CTDSP1: variants seen among roughly 807,000 people sequenced by gnomAD.
CTDSP1 encodes the protein carboxy-terminal domain RNA polymerase II polypeptide A small phosphatase 1.
Under a neutral mutation model 32.5 loss-of-function variants are expected in CTDSP1, and 15 were observed. The observed-to-expected ratio is 0.46, with a 90% CI of 0.31 to 0.71. The LOEUF is 0.71. Among genes scored for constraint, CTDSP1 ranks in the 30% least tolerant of loss-of-function variants. CTDSP1 has a pLI of 0.05. For missense variants in CTDSP1, 294 were observed against 351.1 expected (o/e 0.84, Z 1.30); for synonymous variants, 185 against 145.4 (o/e 1.27, Z -1.96).
In CTDSP1 at chr2:218,403,023, C is replaced by T. The variant is rs763774922; in HGVS notation, c.379-12C>T. The stretch of plus-strand genomic sequence containing the variant: ...CACTGGCCCGCAGCCCCCTCACTGG[C>T]CCGCCCCCCAGGTCTACGTGTTGAA... On this transcript the variant is annotated splice_polypyrimidine_tract_variant and intron_variant, in intron 4 of 6. Transcript: ENST00000273062. 3 of 1,611,940 alleles carry T rather than the reference C, an allele frequency of 1.9e-6. No homozygotes were observed. The highest frequency in any genetic ancestry group is 8.5e-7 in the Non-Finnish European group (1 of 1,178,516).
At chr2:218,398,756 TATTA>T (rs149904564), upstream of CTDSP1, 3,770 of 267,008 alleles carry the variant, frequency 0.014, 42 homozygotes, top group East Asian at 0.041. Context: ...GGCTTGGCAT[TATTA>T]ATTTTTAAAT....
rs748558697 is a variant in CTDSP1, at chr2:218,404,344, C to T, written c.705C>T (p.His235=). The change falls in exon 7 of 7, where the codon CAC becomes CAT. Residue 235 remains histidine, a synonymous_variant. Coordinates refer to ENST00000273062, the MANE Select transcript of CTDSP1 (RefSeq NM_021198.3). ...WFDNMSDTEL[H]DLLPFFEQLS... ...ACAACATGAGTGACACAGAGCTCCA[C>T]GACCTCCTCCCCTTCTTCGAGCAAC... is the stretch of plus-strand genomic sequence containing the variant. 47 of 1,614,104 alleles carry T rather than the reference C, an allele frequency of 2.9e-5. No homozygotes were observed. The highest frequency in any genetic ancestry group is 4.0e-5 in the African/African-American group (3 of 74,938).
chr2:218,401,354 A>G, intron 1 of CTDSP1: 1 of 601,690 alleles, frequency 1.7e-6, no homozygotes, highest in Non-Finnish European at 2.9e-6. Context: ...TACCTGCTAG[A>G]CCTATTTGTC....
At chr2:218,403,759 AAATAG>A (rs1419256375) in intron 6 of CTDSP1, 2 of 248,082 alleles carry the variant, frequency 8.1e-6, no homozygotes, top group South Asian at 1.1e-4. Flanking sequence ...TAACAAAATG[AAATAG>A]AATAGAAAAT....
At position 218,403,265 on chromosome 2, in the gene CTDSP1, T is replaced by A; in HGVS notation, c.505T>A (p.Trp169Arg). The stretch of plus-strand genomic sequence containing the variant: ...CCCAGTAGCTGACCTGCTGGACAAA[T>A]GGGGGGCCTTCCGGGCCCGGCTGTT... ...ADPVADLLDKWGAFRARLFRE... is the reference protein window; with the variant it reads ...ADPVADLLDKRGAFRARLFRE... The change falls in exon 6 of 7, where the codon TGG becomes AGG. Residue 169 changes from tryptophan (W) to arginine (R), a missense_variant. Trp to Arg is a moderately radical substitution (Grantham distance 101, BLOSUM62 -3). Transcript: ENST00000273062. The A allele has an allele frequency of 6.2e-7, 1 of 1,613,556 alleles. No homozygotes were observed. The highest frequency in any genetic ancestry group is 1.1e-5 in the South Asian group (1 of 91,036).
chr2:218,404,224 A>G (rs1697302242), intron 6 of CTDSP1, 73 bp from the exon 7 acceptor site: 1 of 1,567,442 alleles, frequency 6.4e-7, no homozygotes, highest in Middle Eastern at 1.7e-4. Flanking sequence ...AGTAGTGGCT[A>G]CATAGGGCTG....
At position 218,403,782 on chromosome 2, in the gene CTDSP1, C is replaced by T. The variant is rs554969043; in HGVS notation, c.657+365C>T. On this transcript the variant is annotated intron_variant, in intron 6 of 6. Coordinates refer to ENST00000273062, the MANE Select transcript of CTDSP1 (RefSeq NM_021198.3). ...TGAAATAGAATAGAAAATATCCGGTCGGGTGCAGTGGCTCATGCCTGTAAT... is the reference window on the plus strand; with the variant it reads ...TGAAATAGAATAGAAAATATCCGGTTGGGTGCAGTGGCTCATGCCTGTAAT... 16 of 204,510 alleles carry T rather than the reference C, an allele frequency of 7.8e-5. No homozygotes were observed. In the East Asian group the frequency reaches 1.6e-3, roughly 21 times the overall value. The allele number at this position is 204,510 out of a possible 1,614,324, so 12.7% of individuals were successfully genotyped here. A position where few individuals can be genotyped will look rare whatever the true frequency, so the allele number is the denominator to read the frequency against.
At chr2:218,401,853 C>T in intron 2 of CTDSP1, 141 bp downstream of exon 2, 2 of 824,326 alleles carry the variant, frequency 2.4e-6, no homozygotes, top group Non-Finnish European at 3.7e-6. Context: ...GCCTCCCCTG[C>T]CAGGCCCTGC....
chr2:218,400,914 C>T (rs1386206369), intron 1 of CTDSP1: 2 of 447,078 alleles, frequency 4.5e-6, no homozygotes, highest in Non-Finnish European at 8.9e-6. Context: ...CCACCCTCGC[C>T]TGGGTCTGGC....
At chr2:218,397,381 T>C (rs919360302), upstream of CTDSP1, among the ~76,000 whole-genome samples, 2 of 151,986 alleles carry the variant, frequency 1.3e-5, no homozygotes, top group Non-Finnish European at 1.5e-5. Context: ...TTCTGGAAGC[T>C]CCCTTTAGGC....
intron 1 of CTDSP1, chr2:218,401,151 G>C: frequency 2.7e-6 from 1 of 363,992 alleles, no homozygotes. Flanking sequence ...GGAGAGGATG[G>C]AGGGAGGGCA....
rs1400621236 is a variant in CTDSP1, at chr2:218,400,028, C to T, written c.-63C>T. 9 of 1,343,424 alleles carry T rather than the reference C, an allele frequency of 6.7e-6. No individual in the cohort carries two copies. Among genetic ancestry groups the T allele is most frequent in the South Asian group, 1.8e-5 (1 of 54,576 alleles). The allele number at this position is 1,343,424 out of a possible 1,614,324, so 83.2% of individuals were successfully genotyped here. On this transcript the variant is annotated 5_prime_UTR_variant, in exon 1 of 7. Transcript: ENST00000273062. ...CCCCCCCGCGCCCCGATTCCGGCCCCAGCCGGGGGGGAGGCCGGGCGCCCG... is the reference window on the plus strand; with the variant it reads ...CCCCCCCGCGCCCCGATTCCGGCCCTAGCCGGGGGGGAGGCCGGGCGCCCG...
At chr2:218,402,760 T>G in intron 4 of CTDSP1, 2 of 735,676 alleles carry the variant, frequency 2.7e-6, no homozygotes, top group Non-Finnish European at 5.1e-6. Flanking sequence ...TGCCCCTGGA[T>G]TCCTGCACTA....
chr2:218,403,487 C>T lies in CTDSP1; in HGVS notation c.657+70C>T, dbSNP rs1697262298. The T allele has an allele frequency of 2.8e-6, 4 of 1,414,220 alleles. No individual in the cohort carries two copies. In the African/African-American group the frequency reaches 4.3e-5, roughly 15 times the overall value. The allele number at this position is 1,414,220 out of a possible 1,614,324, so 87.6% of individuals were successfully genotyped here. On this transcript the variant is annotated intron_variant, in intron 6 of 6. Transcript: ENST00000273062. ...GGAAGGGGTCAGTCCATTCAGGCCA[C>T]CTTGGCCTCTTGGATCCCCAGTTGG... is the stretch of plus-strand genomic sequence containing the variant.
chr2:218,400,716 C>A (rs1484064924), intron 1 of CTDSP1: 1 of 455,920 alleles, frequency 2.2e-6, no homozygotes, highest in East Asian at 7.0e-5. Flanking sequence ...AGAGGACGGC[C>A]GGCACTTCCA....
upstream of CTDSP1, chr2:218,398,144 GGGCCCCGCATCCGGAGATAAAGCCGA>G (rs1344273592): frequency 2.0e-6 from 1 of 512,794 alleles, no homozygotes; most frequent in Non-Finnish European, 3.5e-6. Flanking sequence ...GGGGTCATGA[GGGCCCCGCATCCGGAGATAAAGCCGA>G]GGCCCCACCC....
intron 4 of CTDSP1, chr2:218,402,826 C>G: frequency 1.5e-6 from 1 of 681,510 alleles, no homozygotes; most frequent in Admixed American, 2.1e-5. Flanking sequence ...TGAGGTAGGA[C>G]TGGCCAGTGG....
chr2:218,400,678 G>C (rs1389022354), intron 1 of CTDSP1: 3 of 451,386 alleles, frequency 6.6e-6, no homozygotes, highest in Non-Finnish European at 1.3e-5. Flanking sequence ...CGTCACGCGT[G>C]GAGGCGCCGA....
In CTDSP1 at chr2:218,404,530, A is replaced by G. The variant is rs937671416; in HGVS notation, c.*105A>G. On this transcript the variant is annotated 3_prime_UTR_variant, in exon 7 of 7. Transcript: ENST00000273062. ...AGGAAAACCCATGGGCCGCCGCCAC[A>G]CTCAGTGCCATGGGGAAGCGGGCGT... is the stretch of plus-strand genomic sequence containing the variant. 1.4e-6 allele frequency: 2 copies of G among 1,426,386 alleles called. No individual in the cohort carries two copies. Among genetic ancestry groups the G allele is most frequent in the Non-Finnish European group, 9.6e-7 (1 of 1,044,254 alleles). 88.4% of individuals were successfully genotyped at this position (1,426,386 alleles called of 1,614,324 possible). A position where few individuals can be genotyped will look rare whatever the true frequency, so the allele number is the denominator to read the frequency against.
Sources: gnomAD v4.1 joint callset for allele counts (sites outside exome capture counted in the v4.1 genomes callset) on GRCh38, gnomAD v4.1.1 for gene constraint, MANE v1.5 for transcripts, NCBI Gene and HGNC (gene_info 2026-07-23, HGNC 2026-07-21) for gene names.